Variants in ZNF385D observed in about 807,000 individuals in gnomAD.
ZNF385D encodes zinc finger protein 385D.
In ZNF385D, 15 loss-of-function variants were observed where a neutral mutation model predicts 35.8. The observed-to-expected ratio is 0.42, with a 90% CI of 0.28 to 0.64. The LOEUF (loss-of-function observed/expected upper bound fraction) is 0.64, where lower values mean the gene tolerates loss of function less well. Ranked by LOEUF, ZNF385D falls within the 30% of genes least tolerant of loss-of-function variation. The probability of loss-of-function intolerance (pLI) is 0.23; values close to 1 mark genes in which losing one functional copy is unlikely to be tolerated. For synonymous variants in ZNF385D, 212 were observed against 186.8 expected, an observed-to-expected ratio of 1.13 and a Z score of -1.10; for missense variants, 474 against 494.6, an observed-to-expected ratio of 0.96 and a Z score of 0.39.
intron 2 of ZNF385D, among the ~76,000 whole-genome samples, chr3:21,615,195 CAT>C (rs1459714809): frequency 2.0e-5 from 3 of 152,096 alleles, no homozygotes; most frequent in African/African-American, 7.2e-5. Flanking sequence ...GTAATGAGCT[CAT>C]ATGAGACCTG....
chr3:21,600,075 A>G (rs898249621), intron 2 of ZNF385D, among the ~76,000 whole-genome samples: 8 of 152,234 alleles, frequency 5.3e-5, no homozygotes, highest in African/African-American at 1.9e-4. Context: ...CAGTGCCATA[A>G]CGGTTTACAA....
intron 3 of ZNF385D, among the ~76,000 whole-genome samples, chr3:21,536,686 G>A (rs1342169738): frequency 6.6e-6 from 1 of 152,030 alleles, no homozygotes; most frequent in Non-Finnish European, 1.5e-5. Flanking sequence ...CCTTCTAATT[G>A]GAGTTGGGCA....
In ZNF385D at chr3:21,774,924, T is replaced by C. The variant is rs1349585782; in HGVS notation, c.326-109896A>G. ...AAACTGAGAGGATAGGTCCAGGTAA[T>C]AGTATGCTGGTAAAAACCAACTGGC... On this transcript the variant is annotated intron_variant, in intron 3 of 5. Transcript: ENST00000494108. Among the ~76,000 whole-genome samples, 8 of 151,934 alleles carry C rather than the reference T, an allele frequency of 5.3e-5. No individual in the cohort carries two copies. The East Asian group carries it at 5.8e-4, about 11-fold the overall frequency.
rs188507460 is a variant in ZNF385D at position 22,175,069 on chromosome 3, G to A, written c.107-6034C>T. 2.1e-3 allele frequency among the ~76,000 whole-genome samples: 204 copies of A among 97,208 alleles called. 2 individuals are homozygous for A. In the East Asian group the frequency reaches 0.038, roughly 18 times the overall value. 63.8% of individuals were successfully genotyped at this position (97,208 alleles called of 152,430 possible). ...ATGGAAAAAAAGTACTGTATGGGAAGATATCAGTCTAGTCCATTTCACAGA... is the reference window on the plus strand; with the variant it reads ...ATGGAAAAAAAGTACTGTATGGGAAAATATCAGTCTAGTCCATTTCACAGA... On this transcript the variant is annotated intron_variant, in intron 2 of 5. Coordinates refer to the ZNF385D transcript ENST00000494108.
chr3:21,688,975 ATAAGCCAAGAAAACAT>A (rs2067195587), intron 1 of ZNF385D, among the ~76,000 whole-genome samples: 1 of 152,150 alleles, frequency 6.6e-6, no homozygotes, highest in Admixed American at 6.5e-5. Flanking sequence ...AGTTAAATAC[ATAAGCCAAGAAAACAT>A]TCTCAGTGAC....
chr3:21,828,286 C>A (rs889452168), intron 3 of ZNF385D, among the ~76,000 whole-genome samples: 1 of 152,092 alleles, frequency 6.6e-6, no homozygotes, highest in Admixed American at 6.6e-5. Context: ...AACAGGAAAT[C>A]TTTGAATGTC....
chr3:22,120,328 C>CT (rs11443046), intron 3 of ZNF385D, among the ~76,000 whole-genome samples: 31,009 of 151,936 alleles, frequency 0.2, 3,471 homozygotes, highest in East Asian at 0.41. Context: ...CAGATGACAC[C>CT]TTCCCACTGG....
chr3:21,712,961 A>C (rs955659245), intron 1 of ZNF385D, among the ~76,000 whole-genome samples: 1 of 152,178 alleles, frequency 6.6e-6, no homozygotes, highest in African/African-American at 2.4e-5. Flanking sequence ...CACAAACACT[A>C]TTTCCAACTT....
intron 1 of ZNF385D, among the ~76,000 whole-genome samples, chr3:21,665,953 C>T (rs1385734115): frequency 6.6e-6 from 1 of 152,150 alleles, no homozygotes; most frequent in Non-Finnish European, 1.5e-5. Flanking sequence ...ATCTGAGAGG[C>T]AAGCAACAGA....
At chr3:21,715,813 T>A (rs923664699) in intron 1 of ZNF385D, among the ~76,000 whole-genome samples, 20 of 152,172 alleles carry the variant, frequency 1.3e-4, no homozygotes, top group African/African-American at 4.3e-4. Context: ...CATTTGCATC[T>A]CTAGTCTAGA....
At chr3:22,096,352 A>G (rs1559365705) in intron 3 of ZNF385D, among the ~76,000 whole-genome samples, 1 of 133,858 alleles carries the variant, frequency 7.5e-6, no homozygotes, top group African/African-American at 2.5e-5. Flanking sequence ...ATAAATACAA[A>G]TTTTTTTAAA....
intron 2 of ZNF385D, among the ~76,000 whole-genome samples, chr3:21,659,228 A>G (rs1385213933): frequency 1.3e-5 from 2 of 152,070 alleles, no homozygotes; most frequent in African/African-American, 2.4e-5. Context: ...ACTCTTCATT[A>G]TATTTGTTAA....
At chr3:22,006,312 G>T (rs775671107) in intron 3 of ZNF385D, among the ~76,000 whole-genome samples, 1 of 152,032 alleles carries the variant, frequency 6.6e-6, no homozygotes, top group Admixed American at 6.6e-5. Flanking sequence ...AAATGGTTTT[G>T]TATTTCCTAG....
chr3:21,685,081 T>TC (rs2067061778), intron 1 of ZNF385D, among the ~76,000 whole-genome samples: 1 of 152,230 alleles, frequency 6.6e-6, no homozygotes, highest in Non-Finnish European at 1.5e-5. Flanking sequence ...TAAAGGAATA[T>TC]ACGTTTTTAA....
chr3:21,730,891 C>A (rs936454147), intron 1 of ZNF385D, among the ~76,000 whole-genome samples: 5 of 152,192 alleles, frequency 3.3e-5, no homozygotes, highest in African/African-American at 1.2e-4. Context: ...CCTATTCCAG[C>A]ATTTTGGATG....
intron 3 of ZNF385D, among the ~76,000 whole-genome samples, chr3:22,127,869 T>C (rs1361995316): frequency 1.3e-5 from 2 of 152,194 alleles, no homozygotes; most frequent in African/African-American, 2.4e-5. Flanking sequence ...TTAAAAGTTG[T>C]AGTTATTATT....
intron 3 of ZNF385D, among the ~76,000 whole-genome samples, chr3:22,089,365 A>G (rs76451220): frequency 0.022 from 3,327 of 152,294 alleles, 48 homozygotes; most frequent in East Asian, 0.045. Context: ...ATTCAGTAAT[A>G]ATGTTGGTAG....
intron 2 of ZNF385D, among the ~76,000 whole-genome samples, chr3:22,179,854 C>T (rs1321214952): frequency 6.6e-6 from 1 of 152,082 alleles, no homozygotes; most frequent in Non-Finnish European, 1.5e-5. Flanking sequence ...AAAATTGACA[C>T]CCTAACATCA....
intron 4 of ZNF385D, among the ~76,000 whole-genome samples, chr3:21,454,109 G>C (rs1014935436): frequency 6.6e-6 from 1 of 152,004 alleles, no homozygotes; most frequent in African/African-American, 2.4e-5. Flanking sequence ...AATACCACAC[G>C]TTGTATGATT....
Sources: gnomAD v4.1 joint callset for allele counts (sites outside exome capture counted in the v4.1 genomes callset) on GRCh38, gnomAD v4.1.1 for gene constraint, MANE v1.5 for transcripts, NCBI Gene and HGNC (gene_info 2026-07-23, HGNC 2026-07-21) for gene names.